LUC7L3: variants seen among roughly 807,000 people sequenced by gnomAD.
LUC7L3 encodes luc7-like protein 3.
A neutral mutation model predicts 66.8 loss-of-function variants in LUC7L3; 6 were observed. The observed-to-expected ratio is 0.09, with a 90% CI of 0.05 to 0.18. The LOEUF is 0.18. Ranked by LOEUF, LUC7L3 falls within the 10% of genes least tolerant of loss-of-function variation. LUC7L3 has a pLI of 1.00. For synonymous variants in LUC7L3, 160 were observed against 174.7 expected (o/e 0.92, Z 0.66); for missense variants, 341 against 531.1 (o/e 0.64, Z 3.52).
intron 1 of LUC7L3, among the ~76,000 whole-genome samples, chr17:50,733,579 T>C (rs2146722734): frequency 6.6e-6 from 1 of 152,174 alleles, no homozygotes; most frequent in Middle Eastern, 3.4e-3. Context: ...TTTTTTGTAT[T>C]TTTAGTAGAG....
chr17:50,740,776 T>C (rs1970300050), intron 3 of LUC7L3, among the ~76,000 whole-genome samples: 1 of 152,156 alleles, frequency 6.6e-6, no homozygotes, highest in South Asian at 2.1e-4. Flanking sequence ...GCCAGGCTGG[T>C]CTCAAACTGC....
intron 9 of LUC7L3, chr17:50,749,143 T>C: frequency 8.6e-7 from 1 of 1,158,820 alleles, no homozygotes; most frequent in Non-Finnish European, 1.1e-6. Context: ...AGTTTCCTTT[T>C]TTCATCCATA....
rs747578523 is a variant in LUC7L3 at position 50,746,607 on chromosome 17, G to A, written c.1043G>A (p.Arg348Gln). The A allele has an allele frequency of 3.7e-6, 6 of 1,614,054 alleles. No individual in the cohort carries two copies. The highest frequency in any genetic ancestry group is 4.2e-6 in the Non-Finnish European group (5 of 1,179,984). The change falls in exon 9 of 10, where the codon CGG (arginine) becomes CAG (glutamine). Residue 348 changes from arginine to glutamine, a missense_variant. This residue lies in a region of LUC7L3 where 210 missense variants were observed against 238.1 expected (regional missense o/e 0.88). Coordinates refer to ENST00000505658, the MANE Select transcript of LUC7L3 (RefSeq NM_016424.5). ...GAAAGAAAACACAGATCTCGAAGTC[G>A]GGATCGAAGAAGATCAAAAAGCCGG... ...RSERKHRSRSRDRRRSKSRDR... is the reference protein window; with the variant it reads ...RSERKHRSRSQDRRRSKSRDR...
chr17:50,750,482 A>G lies in LUC7L3; in HGVS notation c.1139-19A>G, dbSNP rs775133946. On this transcript the variant is annotated intron_variant, in intron 9 of 9. Transcript: ENST00000505658. ...TATTTTACTTTAAAATCCATGGTCA[A>G]TGTCTTCTTTTATGGCAGAAAAGAG... 5 of 1,602,208 alleles carry G rather than the reference A, an allele frequency of 3.1e-6. No individual in the cohort carries two copies. Among genetic ancestry groups the G allele is most frequent in the Non-Finnish European group, 3.4e-6 (4 of 1,174,436 alleles).
chr17:50,732,078 A>T (rs1969645071), intron 1 of LUC7L3, among the ~76,000 whole-genome samples: 1 of 152,214 alleles, frequency 6.6e-6, no homozygotes, highest in Non-Finnish European at 1.5e-5. Flanking sequence ...GGGAAAGGGT[A>T]TCTGTGCTTC....
chr17:50,744,136 A>C (rs1037309598), intron 6 of LUC7L3, among the ~76,000 whole-genome samples: 1 of 152,252 alleles, frequency 6.6e-6, no homozygotes, highest in East Asian at 1.9e-4. Flanking sequence ...TACTCAGTAC[A>C]TACTTACATC....
intron 1 of LUC7L3, among the ~76,000 whole-genome samples, chr17:50,734,724 C>A (rs1176877289): frequency 3.9e-5 from 6 of 152,178 alleles, no homozygotes; most frequent in Admixed American, 3.9e-4. Context: ...AGACATAAAG[C>A]TGTATCAGAG....
intron 1 of LUC7L3, among the ~76,000 whole-genome samples, chr17:50,724,663 A>T (rs1298220930): frequency 6.8e-6 from 1 of 146,944 alleles, no homozygotes; most frequent in African/African-American, 2.5e-5. Context: ...ATATGTTATT[A>T]GCCTTGATTT....
chr17:50,728,303 C>T (rs12603003), intron 1 of LUC7L3, among the ~76,000 whole-genome samples: 11,657 of 151,862 alleles, frequency 0.077, 442 homozygotes, highest in Non-Finnish European at 0.082. Flanking sequence ...CAAAGGTATA[C>T]GTAATAAAAT....
At chr17:50,739,412 G>A (rs74710086) in intron 2 of LUC7L3, among the ~76,000 whole-genome samples, 2,361 of 152,250 alleles carry the variant, frequency 0.016, 32 homozygotes, top group Non-Finnish European at 0.021. Context: ...AGCACTTTTG[G>A]AGGCAAAGGA....
intron 7 of LUC7L3, among the ~76,000 whole-genome samples, chr17:50,745,326 T>C (rs1376233615): frequency 1.3e-5 from 2 of 152,222 alleles, no homozygotes; most frequent in African/African-American, 4.8e-5. Context: ...AAAAATCTAT[T>C]TTAGCTATAG....
At chr17:50,720,635 A>G (rs1397413679) in intron 1 of LUC7L3, among the ~76,000 whole-genome samples, 1 of 152,242 alleles carries the variant, frequency 6.6e-6, no homozygotes, top group Non-Finnish European at 1.5e-5. Flanking sequence ...TGTAATGTTT[A>G]CTTTAGGTCT....
intron 1 of LUC7L3, among the ~76,000 whole-genome samples, chr17:50,727,377 C>G (rs139313222): frequency 2.0e-3 from 303 of 152,304 alleles, no homozygotes; most frequent in African/African-American, 7.0e-3. Flanking sequence ...AGAAGGGGAG[C>G]TAGCATGCGC....
chr17:50,740,447 G>A (rs1970278148), intron 3 of LUC7L3, 102 bp downstream of exon 3: 7 of 1,122,264 alleles, frequency 6.2e-6, no homozygotes, highest in Non-Finnish European at 9.1e-6. Flanking sequence ...ATGAGTGTCT[G>A]AGAGAAGTCC....
At chr17:50,746,176 A>G (rs948817102) in intron 8 of LUC7L3, among the ~76,000 whole-genome samples, 173 bp downstream of exon 8, 3 of 152,198 alleles carry the variant, frequency 2.0e-5, no homozygotes, top group Non-Finnish European at 4.4e-5. Context: ...CTTCGGGGCA[A>G]CTTCTGTGCC....
In LUC7L3 at chr17:50,753,026, G is replaced by A. The variant is rs1031097509; in HGVS notation, c.*2365G>A. The A allele has an allele frequency of 6.6e-6, 1 of 152,108 alleles. No individual in the cohort carries two copies. Among genetic ancestry groups the A allele is most frequent in the Non-Finnish European group, 1.5e-5 (1 of 68,002 alleles). 9.4% of individuals were successfully genotyped at this position (152,108 alleles called of 1,614,324 possible). ...GCATTCAAGAGCTAGTTTTTGTTAA[G>A]TCCTGTATCAAGATTAACCCAGCTG... is the stretch of plus-strand genomic sequence containing the variant. On this transcript the variant is annotated 3_prime_UTR_variant, in exon 10 of 10. Transcript: ENST00000505658.
rs765187890 is a variant in LUC7L3, at chr17:50,741,147, T to G, written c.252T>G (p.Asp84Glu). 1 of 1,614,018 alleles carries G rather than the reference T, an allele frequency of 6.2e-7. No individual in the cohort carries two copies. Among genetic ancestry groups the G allele is most frequent in the Non-Finnish European group, 8.5e-7 (1 of 1,179,928 alleles). The change falls in exon 4 of 10, where the codon GAT (aspartate) becomes GAG (glutamate). Residue 84 changes from aspartate (D) to glutamate (E), a missense_variant. Physicochemically the swap from Asp to Glu is conservative, Grantham distance 45. Around this residue, in one of 6 missense-constraint regions of LUC7L3, gnomAD observed 86 missense variants for 172.0 expected, o/e 0.50. Transcript: ENST00000505658. ...SRFMKVGYER[D>E]FLRYLQSLLA... ...TCATGAAAGTTGGCTATGAGAGAGA[T>G]TTTTTGCGATACTTACAGAGCTTAC...
chr17:50,738,058 T>C (rs1039120022), intron 2 of LUC7L3: 11 of 416,938 alleles, frequency 2.6e-5, no homozygotes, highest in Admixed American at 9.2e-5. Flanking sequence ...TAAAACAGAG[T>C]AAATGAATCT....
At chr17:50,747,757 G>A (rs1035979895) in intron 9 of LUC7L3, among the ~76,000 whole-genome samples, 2 of 151,996 alleles carry the variant, frequency 1.3e-5, no homozygotes, top group South Asian at 2.1e-4. Flanking sequence ...CTTAAAATAA[G>A]CACACACTCT....
Sources: gnomAD v4.1 joint callset for allele counts (sites outside exome capture counted in the v4.1 genomes callset) on GRCh38, gnomAD v4.1.1 for gene constraint, gnomAD v4.1.1 regional missense constraint, MANE v1.5 for transcripts, NCBI Gene and HGNC (gene_info 2026-07-23, HGNC 2026-07-21) for gene names.